The following TP53TG5 variants were observed in gnomAD, a reference collection of about 807,000 sequenced individuals.
TP53TG5 encodes the protein TP53-target gene 5 protein.
Under a neutral mutation model 30.0 loss-of-function variants are expected in TP53TG5, and 17 were observed. That is an observed-to-expected ratio of 0.57 (90% CI 0.39 to 0.85). TP53TG5 has a LOEUF of 0.85. Ranked by LOEUF, TP53TG5 falls within the 40% of genes least tolerant of loss-of-function variation. TP53TG5 has a pLI of 0.00. For missense variants in TP53TG5, 338 were observed against 367.9 expected (o/e 0.92, Z 0.67); for synonymous variants, 137 against 139.2 (o/e 0.98, Z 0.11).
intron 1 of TP53TG5, 49 bp from the exon 2 acceptor site, chr20:45,377,662 G>A: frequency 6.3e-7 from 1 of 1,576,550 alleles, no homozygotes; most frequent in Non-Finnish European, 8.7e-7. Flanking sequence ...AATCAGCCAG[G>A]TGTGGTGCCT....
chr20:45,373,627 C>T lies in TP53TG5; in HGVS notation c.*280G>A. 2.2e-6 allele frequency: 1 copy of T among 457,806 alleles called. No homozygotes were observed. The highest frequency in any genetic ancestry group is 4.0e-6 in the Non-Finnish European group (1 of 250,870). 28.4% of individuals were successfully genotyped at this position (457,806 alleles called of 1,614,324 possible). On this transcript the variant is annotated 3_prime_UTR_variant, in exon 5 of 5. Coordinates refer to ENST00000372726, the MANE Select transcript of TP53TG5 (RefSeq NM_014477.3). ...GCCGCGGTTTCCTCTTGCGAGCTCG[C>T]GGGGCGATTGTGAGGCACTTTGCAC... is the stretch of plus-strand genomic sequence containing the variant.
Position 45,377,598 on chromosome 20 carries a change from G to A in TP53TG5, c.64C>T (p.Leu22=), listed in dbSNP as rs374404649. ...ACAGGCTGCTCTGTCTCGTCCCGCA[G>A]TTTCTCATCTTGCATCTGAGGGACA... ...SRVSKMQDEK[L]RDETEQPVSK... The change falls in exon 2 of 5, where the codon CTG becomes TTG. Residue 22 remains leucine, a synonymous_variant. Coordinates refer to ENST00000372726, the MANE Select transcript of TP53TG5 (RefSeq NM_014477.3). 2.0e-5 allele frequency: 32 copies of A among 1,613,902 alleles called. No homozygotes were observed. The highest frequency in any genetic ancestry group is 2.7e-5 in the Non-Finnish European group (32 of 1,179,984).
At position 45,373,968 on chromosome 20, in the gene TP53TG5, C is replaced by T. The variant is rs1461188222; in HGVS notation, c.812G>A (p.Trp271Ter). The T allele has an allele frequency of 2.5e-6, 4 of 1,613,972 alleles. No homozygotes were observed. Among genetic ancestry groups the T allele is most frequent in the Non-Finnish European group, 3.4e-6 (4 of 1,180,032 alleles). ...WTRARGASRG[W>*]RSRHQLKGRN... ...CCCCTTCAGCTGATGGCGCGATCTC[C>T]ACCCTCTGCTCGCACCTCTGGCTCT... is the stretch of plus-strand genomic sequence containing the variant. Residue 271 changes from tryptophan to a stop codon, truncating the protein, a stop_gained, in exon 5 of 5, where the codon TGG becomes TAG. Transcript: ENST00000372726. LOFTEE classifies it low-confidence loss of function (END_TRUNC).
chr20:45,374,046 C>G (rs750530518), intron 4 of TP53TG5, 35 bp from the exon 5 acceptor site: 1 of 1,606,142 alleles, frequency 6.2e-7, no homozygotes, highest in Non-Finnish European at 8.5e-7. Context: ...GGCGCTAAGA[C>G]TGTCCCCAGG....
chr20:45,374,811 A>C, intron 4 of TP53TG5: 2 of 577,622 alleles, frequency 3.5e-6, no homozygotes, highest in Admixed American at 3.3e-5. Context: ...CCCTCCTTCC[A>C]CACATCTCCT....
Position 45,377,388 on chromosome 20 carries a change from G to A in TP53TG5, c.124-46C>T, listed in dbSNP as rs368489375. 3.1e-6 allele frequency: 5 copies of A among 1,612,556 alleles called. No homozygotes were observed. The African/African-American group carries it at 6.7e-5, about 22-fold the overall frequency. On this transcript the variant is annotated intron_variant, in intron 2 of 4. Transcript: ENST00000372726. Reference sequence around the variant, plus strand: ...GGTAAATAGAAGCTTCAGCTTTCCTGGACAGCCTCCCTCTCCCCTGCCTGC... The same window carrying A: ...GGTAAATAGAAGCTTCAGCTTTCCTAGACAGCCTCCCTCTCCCCTGCCTGC...
rs2231626 is a variant in TP53TG5, at chr20:45,374,025, C to G, written c.769-14G>C. ...GGTCACATCAACCTGCCAGCAGAAA[C>G]CTCGGTGTTAGGCGCTAAGACTGTC... On this transcript the variant is annotated splice_polypyrimidine_tract_variant and intron_variant, in intron 4 of 4. Coordinates refer to ENST00000372726, the MANE Select transcript of TP53TG5 (RefSeq NM_014477.3). 1,244,024 of 1,613,046 alleles carry G rather than the reference C, an allele frequency of 0.77. 481,590 individuals carry two copies. The highest frequency in any genetic ancestry group is 0.83 in the African/African-American group (62,408 of 74,910).
At chr20:45,377,661 G>A (rs1600759385) in intron 1 of TP53TG5, 48 bp from the exon 2 acceptor site, 1 of 1,579,034 alleles carries the variant, frequency 6.3e-7, no homozygotes, top group Non-Finnish European at 8.7e-7. Context: ...GAATCAGCCA[G>A]GTGTGGTGCC....
intron 3 of TP53TG5, 80 bp from the exon 4 acceptor site, chr20:45,375,632 G>T: frequency 6.6e-7 from 1 of 1,511,632 alleles, no homozygotes; most frequent in South Asian, 1.3e-5. Flanking sequence ...AGCCAGCTCA[G>T]GGGAGCCTGT....
Position 45,378,280 on chromosome 20 carries a change from G to A in TP53TG5, c.-44C>T. On this transcript the variant is annotated 5_prime_UTR_variant, in exon 1 of 5. Coordinates refer to ENST00000372726, the MANE Select transcript of TP53TG5 (RefSeq NM_014477.3). The stretch of plus-strand genomic sequence containing the variant: ...CAGAGATGAATGGAGCAACACCAGT[G>A]CCAGGCACCAACCCTGTTCCTCTCA... 6.2e-7 allele frequency: 1 copy of A among 1,613,404 alleles called. No homozygotes were observed.
chr20:45,372,804 C>A lies in TP53TG5; in HGVS notation c.*1103G>T, dbSNP rs1327816352. The A allele has an allele frequency of 6.6e-6, 1 of 152,186 alleles. No individual in the cohort carries two copies. Among genetic ancestry groups the A allele is most frequent in the East Asian group, 1.9e-4 (1 of 5,182 alleles). The allele number at this position is 152,186 out of a possible 1,614,324, so 9.4% of individuals were successfully genotyped here. On this transcript the variant is annotated 3_prime_UTR_variant, in exon 5 of 5. Coordinates refer to ENST00000372726, the MANE Select transcript of TP53TG5 (RefSeq NM_014477.3). ...CGCTGGGAGCAGGAGCTCGGGAGCA[C>A]GCAGCAGCCACTATGAGGTGCTAAG...
At position 45,373,523 on chromosome 20, in the gene TP53TG5, G is replaced by A. The variant is rs767130661; in HGVS notation, c.*384C>T. ...GCCTTTTCCCTTTCTTGGGAAAATG[G>A]AATGGGGAGCAACCAGGAGCCCTTG... On this transcript the variant is annotated 3_prime_UTR_variant, in exon 5 of 5. Transcript: ENST00000372726. 18 of 264,836 alleles carry A rather than the reference G, an allele frequency of 6.8e-5. No homozygotes were observed. The highest frequency in any genetic ancestry group is 1.2e-4 in the Non-Finnish European group (16 of 135,644). The allele number at this position is 264,836 out of a possible 1,614,324, so 16.4% of individuals were successfully genotyped here.
intron 1 of TP53TG5, 88 bp from the exon 2 acceptor site, chr20:45,377,701 G>T: frequency 7.7e-7 from 1 of 1,306,104 alleles, no homozygotes; most frequent in Non-Finnish European, 1.1e-6. Context: ...ACTTTGGGAG[G>T]CCGAGGTGGG....
Position 45,378,274 on chromosome 20 carries a change from A to C in TP53TG5, c.-38T>G. 1 of 1,613,646 alleles carries C rather than the reference A, an allele frequency of 6.2e-7. No individual in the cohort carries two copies. The highest frequency in any genetic ancestry group is 8.5e-7 in the Non-Finnish European group (1 of 1,179,832). ...AGACCTCAGAGATGAATGGAGCAAC[A>C]CCAGTGCCAGGCACCAACCCTGTTC... is the stretch of plus-strand genomic sequence containing the variant. On this transcript the variant is annotated 5_prime_UTR_variant, in exon 1 of 5. Coordinates refer to ENST00000372726, the MANE Select transcript of TP53TG5 (RefSeq NM_014477.3).
Position 45,377,607 on chromosome 20 carries a change from C to T in TP53TG5, c.55G>A (p.Asp19Asn), listed in dbSNP as rs750471441. ...PKNSRVSKMQ[D>N]EKLRDETEQP... The stretch of plus-strand genomic sequence containing the variant: ...TCTGTCTCGTCCCGCAGTTTCTCAT[C>T]TTGCATCTGAGGGACAGAGGATAAG... The change falls in exon 2 of 5, where the codon GAT (aspartate) becomes AAT (asparagine). Residue 19 changes from aspartate to asparagine, a missense_variant. Physicochemically the swap from Asp to Asn is conservative, Grantham distance 23. Coordinates refer to ENST00000372726, the MANE Select transcript of TP53TG5 (RefSeq NM_014477.3). The T allele has an allele frequency of 1.9e-5, 30 of 1,613,766 alleles. No homozygotes were observed. Among genetic ancestry groups the T allele is most frequent in the Admixed American group, 5.0e-5 (3 of 59,962 alleles).
chr20:45,373,812 C>T lies in TP53TG5; in HGVS notation c.*95G>A. ...GGGAAGCCTGAAGTCGCGACACAGG[C>T]TCCCTCTACCGAAGGCCTCTTTCCT... On this transcript the variant is annotated 3_prime_UTR_variant, in exon 5 of 5. Coordinates refer to ENST00000372726, the MANE Select transcript of TP53TG5 (RefSeq NM_014477.3). The T allele has an allele frequency of 8.1e-7, 1 of 1,229,128 alleles. No individual in the cohort carries two copies. Among genetic ancestry groups the T allele is most frequent in the Non-Finnish European group, 1.2e-6 (1 of 840,724 alleles). The allele number at this position is 1,229,128 out of a possible 1,614,324, so 76.1% of individuals were successfully genotyped here. A position where few individuals can be genotyped will look rare whatever the true frequency, so the allele number is the denominator to read the frequency against.
At position 45,375,142 on chromosome 20, in the gene TP53TG5, G is replaced by A. The variant is rs369818892; in HGVS notation, c.665C>T (p.Ala222Val). Residue 222 changes from alanine (A) to valine (V), a missense_variant, in exon 4 of 5, where the codon GCG becomes GTG. Physicochemically the swap from Ala to Val is moderately conservative, Grantham distance 64. Coordinates refer to ENST00000372726, the MANE Select transcript of TP53TG5 (RefSeq NM_014477.3). ...EGLPTRIHLP[A>V]PRVMCRSSTL... is the part of the protein sequence containing the mutation. Reference sequence around the variant, plus strand: ...GGAGGATCTGCACATCACCCTGGGCGCCGGGAGGTGGATTCGTGTGGGCAG... The same window carrying A: ...GGAGGATCTGCACATCACCCTGGGCACCGGGAGGTGGATTCGTGTGGGCAG... 1.2e-5 allele frequency: 20 copies of A among 1,614,142 alleles called. No homozygotes were observed. The Admixed American group carries it at 1.3e-4, about 11-fold the overall frequency.
intron 4 of TP53TG5, 93 bp from the exon 5 acceptor site, chr20:45,374,104 T>G: frequency 8.3e-7 from 1 of 1,207,524 alleles, no homozygotes; most frequent in Admixed American, 1.7e-5. Flanking sequence ...GGTGCTGTGG[T>G]GTCTGGTAGG....
intron 3 of TP53TG5, chr20:45,375,877 A>G (rs1172553139): frequency 7.3e-6 from 2 of 273,220 alleles, no homozygotes; most frequent in East Asian, 8.2e-5. Flanking sequence ...TAGTTTTTCT[A>G]AATTGTGCTC....
Sources: allele counts gnomAD v4.1 joint callset, GRCh38; gene constraint gnomAD v4.1.1; transcripts MANE v1.5; gene names NCBI Gene and HGNC (gene_info 2026-07-23, HGNC 2026-07-21).